ASPM: variants seen among roughly 807,000 people sequenced by gnomAD.
The protein encoded by ASPM is assembly factor for spindle microtubules, also known as abnormal spindle-like microcephaly-associated protein.
Under a neutral mutation model 366.4 loss-of-function variants are expected in ASPM, and 256 were observed. That is an observed-to-expected ratio of 0.70 (90% CI 0.63 to 0.77). The LOEUF is 0.77. ASPM is among the 30% of genes least tolerant of loss of function. The probability of loss-of-function intolerance (pLI) is 0.00; values close to 1 mark genes in which losing one functional copy is unlikely to be tolerated. For synonymous variants in ASPM, 1,414 were observed against 1,342.9 expected, an observed-to-expected ratio of 1.05 and a Z score of -1.16; for missense variants, 4,146 against 4,090.4, an observed-to-expected ratio of 1.01 and a Z score of -0.37.
intron 27 of ASPM, 92 bp from the exon 28 acceptor site, chr1:197,084,518 T>G: frequency 3.8e-6 from 3 of 794,206 alleles, no homozygotes; most frequent in Non-Finnish European, 4.2e-6. Context: ...TTGTAGCTAC[T>G]CCTGAACACA....
chr1:197,086,489 AGTTT>A, intron 27 of ASPM, among the ~76,000 whole-genome samples: 1 of 152,286 alleles, frequency 6.6e-6, no homozygotes, highest in African/African-American at 2.4e-5. Flanking sequence ...TAAACAGTGT[AGTTT>A]GTCTTTCATG....
intron 17 of ASPM, among the ~76,000 whole-genome samples, chr1:197,107,599 A>T (rs1402618617): frequency 1.3e-5 from 2 of 152,134 alleles, no homozygotes; most frequent in East Asian, 3.9e-4. Flanking sequence ...CAATGATGAG[A>T]TGACAAAGAT....
intron 16 of ASPM, among the ~76,000 whole-genome samples, chr1:197,118,354 G>A (rs944318245): frequency 6.6e-6 from 1 of 151,966 alleles, no homozygotes; most frequent in Admixed American, 6.6e-5. Context: ...GGGGAGGATT[G>A]TATGAAAAAA....
At chr1:197,097,413 G>A (rs759145890) in intron 18 of ASPM, among the ~76,000 whole-genome samples, 4 of 151,652 alleles carry the variant, frequency 2.6e-5, no homozygotes, top group East Asian at 3.9e-4. Flanking sequence ...ATGTTAATCC[G>A]ACTGGGTCGG....
At position 197,137,290 on chromosome 1, in the gene ASPM, C is replaced by T. The variant is rs150136600; in HGVS notation, c.2027-2048G>A. Reference sequence around the variant, plus strand: ...TGTACTATTGCTGGGTCCATTTATTCAAGGAATAATTGCCGCTATGTGTCA... The same window carrying T: ...TGTACTATTGCTGGGTCCATTTATTTAAGGAATAATTGCCGCTATGTGTCA... On this transcript the variant is annotated intron_variant, in intron 4 of 27. Coordinates refer to ENST00000367409, the MANE Select transcript of ASPM (RefSeq NM_018136.5). 2.8e-3 allele frequency among the ~76,000 whole-genome samples: 423 copies of T among 152,176 alleles called. 1 individual carries two copies. The highest frequency in any genetic ancestry group is 9.7e-3 in the African/African-American group (401 of 41,512).
chr1:197,135,623 CTTTTTTT>C (rs778898963), intron 4 of ASPM, among the ~76,000 whole-genome samples: 2 of 69,808 alleles, frequency 2.9e-5, no homozygotes, highest in African/African-American at 5.7e-5. Context: ...AAATATCTGT[CTTTTTTT>C]TTTTTTTTTT....
At chr1:197,114,423 C>T (rs892525020) in intron 17 of ASPM, among the ~76,000 whole-genome samples, 2 of 152,136 alleles carry the variant, frequency 1.3e-5, no homozygotes, top group Admixed American at 6.6e-5. Context: ...TTGATTGACT[C>T]CTTATTCAGA....
At position 197,134,867 on chromosome 1, in the gene ASPM, G is replaced by A. The variant is rs1309137383; in HGVS notation, c.2173+229C>T. The stretch of plus-strand genomic sequence containing the variant: ...CACGGGACTGATTGCATTGACTGAT[G>A]AGAGAGAATAGAGAACAAAAAGTAT... On this transcript the variant is annotated intron_variant, in intron 5 of 27. Coordinates refer to ENST00000367409, the MANE Select transcript of ASPM (RefSeq NM_018136.5). Among the ~76,000 whole-genome samples, 5 of 152,194 alleles carry A rather than the reference G, an allele frequency of 3.3e-5. No individual in the cohort carries two copies. In the South Asian group the frequency reaches 1.0e-3, roughly 31 times the overall value.
chr1:197,094,207 G>T, intron 19 of ASPM, 27 bp from the exon 20 acceptor site: 2 of 1,391,230 alleles, frequency 1.4e-6, no homozygotes, highest in Non-Finnish European at 2.0e-6. Flanking sequence ...GGAAAGCAAT[G>T]TCAAATTACT....
In ASPM at chr1:197,096,023, A is replaced by C. The variant is rs557156508; in HGVS notation, c.8962T>G (p.Phe2988Val). The change falls in exon 19 of 28, where the codon TTC becomes GTC. Residue 2988 changes from phenylalanine to valine, a missense_variant. Physicochemically the swap from Phe to Val is conservative, Grantham distance 50. Coordinates refer to ENST00000367409, the MANE Select transcript of ASPM (RefSeq NM_018136.5). ...LKAVKIIQGC[F>V]YTKLERTRFL... is the part of the protein sequence containing the mutation. ...CGTGTTCTCTCTAGTTTGGTATAGA[A>C]GCAACCTTGAATAATTTTAACAGCT... The C allele has an allele frequency of 1.2e-6, 2 of 1,609,314 alleles. No individual in the cohort carries two copies. The highest frequency in any genetic ancestry group is 1.7e-6 in the Non-Finnish European group (2 of 1,176,540).
intron 16 of ASPM, among the ~76,000 whole-genome samples, chr1:197,118,235 G>A (rs1293856738): frequency 6.6e-6 from 1 of 152,070 alleles, no homozygotes; most frequent in Non-Finnish European, 1.5e-5. Flanking sequence ...GATTAGACAT[G>A]TTTGATCTAT....
In ASPM at chr1:197,129,426, G is replaced by A; in HGVS notation, c.2630-109C>T. On this transcript the variant is annotated intron_variant, in intron 8 of 27. Transcript: ENST00000367409. Reference sequence around the variant, plus strand: ...GTGTTAGTAAAACAAAAAGTGTAGGGTAGCAAGCACAAATAAAACACTATG... The same window carrying A: ...GTGTTAGTAAAACAAAAAGTGTAGGATAGCAAGCACAAATAAAACACTATG... 2.4e-6 allele frequency: 3 copies of A among 1,233,368 alleles called. No individual in the cohort carries two copies. The Admixed American group carries it at 6.2e-5, about 26-fold the overall frequency. 76.4% of individuals were successfully genotyped at this position (1,233,368 alleles called of 1,614,324 possible). A position where few individuals can be genotyped will look rare whatever the true frequency, so the allele number is the denominator to read the frequency against.
chr1:197,094,395 A>T (rs1656897446), intron 19 of ASPM, among the ~76,000 whole-genome samples: 1 of 151,852 alleles, frequency 6.6e-6, no homozygotes, highest in Non-Finnish European at 1.5e-5. Flanking sequence ...GCAATATTCC[A>T]GTGGGTAAGA....
At position 197,143,325 on chromosome 1, in the gene ASPM, T is replaced by G; in HGVS notation, c.927A>C (p.Thr309=). 1 of 1,613,988 alleles carries G rather than the reference T, an allele frequency of 6.2e-7. No individual in the cohort carries two copies. The highest frequency in any genetic ancestry group is 2.2e-5 in the East Asian group (1 of 44,864). Residue 309 remains threonine, a synonymous_variant, in exon 3 of 28, where the codon ACA becomes ACC. Transcript: ENST00000367409. ...TPNCSSTLNI[T]QSQIHFLSPD... is the part of the protein sequence containing the mutation. Reference sequence around the variant, plus strand: ...GACTTAGAAAATGTATTTGGCTTTGTGTAATGTTCAAAGTTGAAGAACAGT... The same window carrying G: ...GACTTAGAAAATGTATTTGGCTTTGGGTAATGTTCAAAGTTGAAGAACAGT...
rs1356820097 is a variant in ASPM at position 197,090,197 on chromosome 1, T to A, written c.9828A>T (p.Leu3276=). The A allele has an allele frequency of 1.9e-6, 3 of 1,613,328 alleles. No individual in the cohort carries two copies. Among genetic ancestry groups the A allele is most frequent in the Non-Finnish European group, 2.5e-6 (3 of 1,179,522 alleles). The change falls in exon 24 of 28, where the codon CTA becomes CTT. Residue 3276 remains leucine (L), a splice_region_variant and synonymous_variant. Transcript: ENST00000367409. ...LSAILEALKH[L]EVVTRLSPLC... is the part of the protein sequence containing the mutation. Reference sequence around the variant, plus strand: ...TTAAACATGTTAACACAAACTAACCTAGGTGTTTTAAGGCCTCAAGAATGG... The same window carrying A: ...TTAAACATGTTAACACAAACTAACCAAGGTGTTTTAAGGCCTCAAGAATGG...
At position 197,104,937 on chromosome 1, in the gene ASPM, T is replaced by C; in HGVS notation, c.4314A>G (p.Lys1438=). The C allele has an allele frequency of 3.1e-6, 5 of 1,612,330 alleles. No individual in the cohort carries two copies. Among genetic ancestry groups the C allele is most frequent in the Non-Finnish European group, 4.2e-6 (5 of 1,179,192 alleles). ...CTGTAGCTTTTACTTGTGATTGCAT[T>C]TTACGTTGCTTCCATTTTCTGAACA... ...QSMFRKWKQR[K]MQSQVKATVI... Residue 1438 remains lysine, a synonymous_variant, in exon 18 of 28, where the codon AAA becomes AAG. Transcript: ENST00000367409.
At chr1:197,122,789 T>TGA (rs1657956835) in intron 13 of ASPM, among the ~76,000 whole-genome samples, 194 bp from the exon 14 acceptor site, 1 of 152,162 alleles carries the variant, frequency 6.6e-6, no homozygotes, top group African/African-American at 2.4e-5. Flanking sequence ...GAACTTTATG[T>TGA]GAGAGCATGG....
At chr1:197,107,423 T>C (rs1657447480) in intron 17 of ASPM, among the ~76,000 whole-genome samples, 1 of 152,140 alleles carries the variant, frequency 6.6e-6, no homozygotes, top group African/African-American at 2.4e-5. Context: ...CCCAATCAAG[T>C]GAATTAGCTG....
Position 197,102,272 on chromosome 1 carries a change from TCATC to T in ASPM, c.6975_6978del (p.Trp2325Ter). 6.2e-7 allele frequency: 1 copy of T among 1,612,834 alleles called. No homozygotes were observed. Among genetic ancestry groups the T allele is most frequent in the South Asian group, 1.1e-5 (1 of 91,054 alleles). On this transcript the variant is annotated frameshift_variant, in exon 18 of 28. Transcript: ENST00000367409. LOFTEE classifies it high-confidence loss of function. ...TGCATCTCTCGCATCCTTTTCCTTA[TCATC>T]CATCTTCTGTATGATGACTGGATTT...
Sources: gnomAD v4.1 joint callset for allele counts (sites outside exome capture counted in the v4.1 genomes callset) on GRCh38, gnomAD v4.1.1 for gene constraint, MANE v1.5 for transcripts, NCBI Gene and HGNC (gene_info 2026-07-23, HGNC 2026-07-21) for gene names.